Variants in DDX47 observed in about 807,000 individuals in gnomAD.
DDX47 encodes the protein DEAD-box helicase 47.
In DDX47, 60 loss-of-function variants were observed where a neutral mutation model predicts 58.8. That is an observed-to-expected ratio of 1.02 (90% CI 0.83 to 1.26). The LOEUF is 1.26. DDX47 is among the 50% of genes most tolerant of loss of function. DDX47 has a pLI of 0.00. For synonymous variants in DDX47, 197 were observed against 204.6 expected (o/e 0.96, Z 0.32); for missense variants, 530 against 573.2 (o/e 0.92, Z 0.77).
intron 9 of DDX47, among the ~76,000 whole-genome samples, chr12:12,825,739 C>G (rs1863042467): frequency 6.6e-6 from 1 of 152,152 alleles, no homozygotes; most frequent in Non-Finnish European, 1.5e-5. Context: ...AAATACCATG[C>G]AGCCTGCGAC....
intron 2 of DDX47, among the ~76,000 whole-genome samples, chr12:12,817,102 A>G (rs1862907954): frequency 1.3e-5 from 2 of 152,228 alleles, no homozygotes; most frequent in East Asian, 1.9e-4. Flanking sequence ...AAATGATTCA[A>G]ATAATCTGTT....
chr12:12,821,655 C>G lies in DDX47; in HGVS notation c.371C>G (p.Ala124Gly). 1 of 1,613,570 alleles carries G rather than the reference C, an allele frequency of 6.2e-7. No homozygotes were observed. The highest frequency in any genetic ancestry group is 8.5e-7 in the Non-Finnish European group (1 of 1,179,686). Residue 124 changes from alanine (A) to glycine (G), a missense_variant and splice_region_variant, in exon 4 of 12, where the codon GCT (alanine) becomes GGT (glycine). Physicochemically the swap from Ala to Gly is moderately conservative, Grantham distance 60. Coordinates refer to ENST00000358007, the MANE Select transcript of DDX47 (RefSeq NM_016355.4). ...CTCTATGTTCTTTTTTTCTCTGTAG[C>G]TGTGATTGTAGGTGGAATTGATTCA... ...ALGSSIGVQS[A>G]VIVGGIDSMS... is the part of the protein sequence containing the mutation.
At chr12:12,822,202 A>G (rs1227283267) in intron 5 of DDX47, 119 bp downstream of exon 5, 3 of 655,860 alleles carry the variant, frequency 4.6e-6, no homozygotes, top group Non-Finnish European at 8.1e-6. Context: ...CATTCTTGAT[A>G]TTCTTCAAAT....
In DDX47 at chr12:12,813,436, T is replaced by G; in HGVS notation, c.69T>G (p.Thr23=). The change falls in exon 1 of 12, where the codon ACT becomes ACG. Residue 23 remains threonine, a synonymous_variant. Coordinates refer to ENST00000358007, the MANE Select transcript of DDX47 (RefSeq NM_016355.4). ...ASQPIVEEEE[T]KTFKDLGVTD... is the part of the protein sequence containing the mutation. ...AGCCGATTGTGGAAGAGGAGGAAAC[T>G]AAAACATTTAAAGACCTGGTGAGAA... 6.2e-7 allele frequency: 1 copy of G among 1,611,442 alleles called. No individual in the cohort carries two copies. Among genetic ancestry groups the G allele is most frequent in the Non-Finnish European group, 8.5e-7 (1 of 1,178,796 alleles).
At chr12:12,828,210 C>G (rs2099621277) in intron 11 of DDX47, among the ~76,000 whole-genome samples, 1 of 152,030 alleles carries the variant, frequency 6.6e-6, no homozygotes, top group Non-Finnish European at 1.5e-5. Context: ...AAATTCCATG[C>G]CTGACCTCGT....
intron 2 of DDX47, among the ~76,000 whole-genome samples, chr12:12,815,582 A>G (rs1862883346): frequency 6.6e-6 from 1 of 152,234 alleles, no homozygotes; most frequent in Non-Finnish European, 1.5e-5. Context: ...GGTTGGGAAG[A>G]CATGTGAGCT....
intron 6 of DDX47, 23 bp downstream of exon 6, chr12:12,822,755 TTTC>T: frequency 6.3e-7 from 1 of 1,594,812 alleles, no homozygotes; most frequent in Non-Finnish European, 8.6e-7. Flanking sequence ...AGGACTTTTG[TTTC>T]TTCTTTATGA....
chr12:12,822,616 C>G (rs763783532), intron 5 of DDX47, 45 bp from the exon 6 acceptor site: 3 of 1,529,554 alleles, frequency 2.0e-6, no homozygotes, highest in Admixed American at 1.7e-5. Flanking sequence ...TGCAGCTCTT[C>G]CAGTCTGAAT....
intron 9 of DDX47, 74 bp from the exon 10 acceptor site, chr12:12,825,926 A>C: frequency 8.7e-7 from 1 of 1,147,722 alleles, no homozygotes; most frequent in Non-Finnish European, 1.2e-6. Flanking sequence ...GTTTTGCAGC[A>C]GGACTTTGCA....
intron 6 of DDX47, among the ~76,000 whole-genome samples, 195 bp from the exon 7 acceptor site, chr12:12,823,008 G>A (rs527689954): frequency 9.9e-5 from 15 of 152,280 alleles, no homozygotes; most frequent in Admixed American, 2.6e-4. Context: ...ATGAGAAATT[G>A]TGAGAACTCA....
Position 12,813,405 on chromosome 12 carries a change from C to A in DDX47, c.38C>A (p.Ala13Glu), listed in dbSNP as rs748360488. The change falls in exon 1 of 12, where the codon GCG (alanine) becomes GAG (glutamate). Residue 13 changes from alanine (A) to glutamate (E), a missense_variant. Physicochemically the swap from Ala to Glu is moderately radical, Grantham distance 107. Transcript: ENST00000358007. ...GAGGAACACGATTCTCCGACCGAAGCGTCCCAGCCGATTGTGGAAGAGGAG... is the reference window on the plus strand; with the variant it reads ...GAGGAACACGATTCTCCGACCGAAGAGTCCCAGCCGATTGTGGAAGAGGAG... ...APEEHDSPTE[A>E]SQPIVEEEET... 6 of 1,613,326 alleles carry A rather than the reference C, an allele frequency of 3.7e-6. No homozygotes were observed. In the East Asian group the frequency reaches 1.1e-4, roughly 30 times the overall value.
chr12:12,822,732 G>T lies in DDX47; in HGVS notation c.633G>T (p.Lys211Asn), dbSNP rs1364495449. The part of the protein sequence containing the change: ...TFLFSATMTK[K>N]VQKLQRAALK... ...TCTTCTCTGCCACCATGACCAAGAAGGTGAAATTTGCTAGGACTTTTGTTT... is the reference window on the plus strand; with the variant it reads ...TCTTCTCTGCCACCATGACCAAGAATGTGAAATTTGCTAGGACTTTTGTTT... Residue 211 changes from lysine (K) to asparagine (N), a missense_variant and splice_region_variant, in exon 6 of 12, where the codon AAG (lysine) becomes AAT (asparagine). Coordinates refer to ENST00000358007, the MANE Select transcript of DDX47 (RefSeq NM_016355.4). 6.2e-7 allele frequency: 1 copy of T among 1,612,720 alleles called. No individual in the cohort carries two copies. Among genetic ancestry groups the T allele is most frequent in the Admixed American group, 1.7e-5 (1 of 59,952 alleles).
chr12:12,821,901 T>G, intron 4 of DDX47, 64 bp from the exon 5 acceptor site: 2 of 1,279,082 alleles, frequency 1.6e-6, no homozygotes. Context: ...ATTTGTTTAT[T>G]TGTTTTGTTT....
At position 12,821,687 on chromosome 12, in the gene DDX47, C is replaced by G. The variant is rs746101128; in HGVS notation, c.403C>G (p.Gln135Glu). The G allele has an allele frequency of 3.7e-6, 6 of 1,613,920 alleles. No individual in the cohort carries two copies. Among genetic ancestry groups the G allele is most frequent in the Non-Finnish European group, 5.1e-6 (6 of 1,179,898 alleles). ...VIVGGIDSMS[Q>E]SLALAKKPHI... Reference sequence around the variant, plus strand: ...TGTAGGTGGAATTGATTCAATGTCTCAATCTTTGGCCCTTGCAAAAAAACC... The same window carrying G: ...TGTAGGTGGAATTGATTCAATGTCTGAATCTTTGGCCCTTGCAAAAAAACC... Residue 135 changes from glutamine to glutamate, a missense_variant, in exon 4 of 12, where the codon CAA becomes GAA. By Grantham distance (29) the Gln-to-Glu change is conservative. Coordinates refer to ENST00000358007, the MANE Select transcript of DDX47 (RefSeq NM_016355.4).
rs375909889 is a variant in DDX47, at chr12:12,814,132, G to A, written c.89G>A (p.Gly30Asp). The A allele has an allele frequency of 1.2e-6, 2 of 1,610,872 alleles. No individual in the cohort carries two copies. Among genetic ancestry groups the A allele is most frequent in the Admixed American group, 1.7e-5 (1 of 59,982 alleles). Residue 30 changes from glycine to aspartate, a missense_variant and splice_region_variant, in exon 2 of 12, where the codon GGT (glycine) becomes GAT (aspartate). Transcript: ENST00000358007. ...EEETKTFKDL[G>D]VTDVLCEACD... ...AGGTATATTTTTCTGAATTCCAAGGGTGTGACAGATGTGTTGTGTGAAGCT... is the reference window on the plus strand; with the variant it reads ...AGGTATATTTTTCTGAATTCCAAGGATGTGACAGATGTGTTGTGTGAAGCT...
At chr12:12,818,239 T>A (rs748710296) in intron 2 of DDX47, among the ~76,000 whole-genome samples, 4 of 152,164 alleles carry the variant, frequency 2.6e-5, no homozygotes, top group Non-Finnish European at 4.4e-5. Context: ...ATCAGTCCAT[T>A]GGCTGGGCGT....
At chr12:12,823,395 G>C (rs1863002734) in intron 7 of DDX47, 76 bp downstream of exon 7, 4 of 902,312 alleles carry the variant, frequency 4.4e-6, no homozygotes, top group Admixed American at 1.7e-5. Flanking sequence ...GTCAACTCTT[G>C]ATTAGGTAAG....
At position 12,827,389 on chromosome 12, in the gene DDX47, TTTTC is replaced by T; in HGVS notation, c.1236+16_1236+19del. The T allele has an allele frequency of 6.2e-7, 1 of 1,613,686 alleles. No homozygotes were observed. The highest frequency in any genetic ancestry group is 8.5e-7 in the Non-Finnish European group (1 of 1,179,792). ...TTTGCCCGAATGGTATGCATCTTTC[TTTTC>T]TCACCAGTGTCTGTGCAAACAATGT... On this transcript the variant is annotated intron_variant, in intron 11 of 11. Transcript: ENST00000358007.
At chr12:12,822,793 A>G (rs769565762) in intron 6 of DDX47, 61 bp downstream of exon 6, 9 of 1,390,162 alleles carry the variant, frequency 6.5e-6, no homozygotes, top group Non-Finnish European at 8.2e-6. Context: ...AGTAAATAGT[A>G]ATAACAATAA....
Sources: allele counts gnomAD v4.1 joint callset (sites outside exome capture counted in the v4.1 genomes callset), GRCh38; gene constraint gnomAD v4.1.1; transcripts MANE v1.5; gene names NCBI Gene and HGNC (gene_info 2026-07-23, HGNC 2026-07-21).